Variants in RIPOR2 observed in about 807,000 individuals in gnomAD.
The protein encoded by RIPOR2 is RHO family interacting cell polarization regulator 2.
Under a neutral mutation model 114.5 loss-of-function variants are expected in RIPOR2, and 39 were observed. The ratio of observed to expected loss-of-function variants is 0.34; its 90% confidence interval spans 0.26 to 0.44. RIPOR2 has a LOEUF of 0.44. Ranked by LOEUF, RIPOR2 falls within the 20% of genes least tolerant of loss-of-function variation. The pLI, the probability that RIPOR2 is intolerant of heterozygous loss-of-function variation, is 1.00. For missense variants in RIPOR2, 1,007 were observed against 1,255.1 expected (o/e 0.80, Z 2.99); for synonymous variants, 445 against 484.4 (o/e 0.92, Z 1.07).
At chr6:24,847,823 T>A (rs978924092) in intron 12 of RIPOR2, 2 of 1,159,444 alleles carry the variant, frequency 1.7e-6, no homozygotes, top group East Asian at 5.2e-5. Context: ...AAAAGGCTGA[T>A]CTTAGAGAAT....
At chr6:25,034,021 CTTGT>C (rs1435984563) in intron 1 of RIPOR2, among the ~76,000 whole-genome samples, 2 of 151,524 alleles carry the variant, frequency 1.3e-5, no homozygotes, top group Non-Finnish European at 2.9e-5. Flanking sequence ...TTTTCTCATA[CTTGT>C]TTATTTAATT....
At chr6:24,909,380 A>G (rs1769322519) in intron 1 of RIPOR2, among the ~76,000 whole-genome samples, 1 of 152,044 alleles carries the variant, frequency 6.6e-6, no homozygotes. Context: ...CCTGCTTGTG[A>G]CAGCAGCTAA....
chr6:24,909,004 G>T (rs1397184474), intron 1 of RIPOR2, among the ~76,000 whole-genome samples: 1 of 152,206 alleles, frequency 6.6e-6, no homozygotes, highest in African/African-American at 2.4e-5. Context: ...AGAAGCAACA[G>T]CAATTGGGGG....
rs746137375 is a variant in RIPOR2, at chr6:24,849,776, G to A, written c.1034+26C>T. 2.5e-4 allele frequency: 398 copies of A among 1,597,404 alleles called. 1 individual carries two copies. The highest frequency in any genetic ancestry group is 3.3e-4 in the Non-Finnish European group (385 of 1,165,412). On this transcript the variant is annotated intron_variant, in intron 11 of 21. Transcript: ENST00000643898. Reference sequence around the variant, plus strand: ...TAGCCGGTATCAGATATTTCTATATGATGAAATAAAGGAAGAGGCACTTAC... The same window carrying A: ...TAGCCGGTATCAGATATTTCTATATAATGAAATAAAGGAAGAGGCACTTAC...
chr6:25,038,967 G>A (rs531382404), intron 1 of RIPOR2, among the ~76,000 whole-genome samples: 159 of 152,356 alleles, frequency 1.0e-3, no homozygotes, highest in African/African-American at 3.4e-3. Flanking sequence ...GATTACCAAT[G>A]TCTGCATGGG....
At chr6:24,971,040 G>A (rs1773768412) in intron 1 of RIPOR2, among the ~76,000 whole-genome samples, 1 of 152,162 alleles carries the variant, frequency 6.6e-6, no homozygotes, top group Non-Finnish European at 1.5e-5. Flanking sequence ...GTCAAGCCTA[G>A]TTATGACAGT....
rs112567535 is a variant in RIPOR2, at chr6:25,026,054, T to TG, written c.76+15796_76+15797insC. ...AGTTACAAAGATTGTTGTTTTTTTT[T>TG]TTTGTTTCTGAGTCACAAGCAAGTC... On this transcript the variant is annotated intron_variant, in intron 1 of 13. Coordinates refer to the RIPOR2 transcript ENST00000510784. Among the ~76,000 whole-genome samples, 819 of 152,182 alleles carry TG rather than the reference T, an allele frequency of 5.4e-3. 7 individuals carry two copies. The highest frequency in any genetic ancestry group is 7.7e-3 in the Non-Finnish European group (521 of 68,012).
rs1446693310 is a variant in RIPOR2, at chr6:24,865,469, G to C, written c.502-19C>G. On this transcript the variant is annotated intron_variant, in intron 6 of 21. Transcript: ENST00000643898. ...CATCTACCTGCCAGAATCAAAACAG[G>C]AAACAGAAATAAATGTCAGGCTTGA... The C allele has an allele frequency of 6.3e-7, 1 of 1,586,612 alleles. No individual in the cohort carries two copies. Among genetic ancestry groups the C allele is most frequent in the Admixed American group, 1.8e-5 (1 of 56,460 alleles).
At chr6:24,940,755 C>T (rs986293479), upstream of RIPOR2, among the ~76,000 whole-genome samples, 5 of 151,974 alleles carry the variant, frequency 3.3e-5, no homozygotes, top group Non-Finnish European at 7.4e-5. Context: ...AAGTGATTCT[C>T]CTGCCTCAGC....
chr6:24,988,475 T>C (rs1039994469), intron 1 of RIPOR2, among the ~76,000 whole-genome samples: 1 of 152,310 alleles, frequency 6.6e-6, no homozygotes, highest in Admixed American at 6.5e-5. Context: ...CGCCCAGCTA[T>C]TGTGAATAGC....
chr6:24,850,807 A>G (rs529059946), intron 9 of RIPOR2, 85 bp from the exon 10 acceptor site: 3 of 1,468,686 alleles, frequency 2.0e-6, no homozygotes, highest in Non-Finnish European at 2.8e-6. Flanking sequence ...AGAAAGACCT[A>G]AAGCCACTGC....
chr6:24,917,758 T>C (rs991133431), intron 1 of RIPOR2, among the ~76,000 whole-genome samples: 4 of 152,224 alleles, frequency 2.6e-5, no homozygotes, highest in African/African-American at 9.6e-5. Context: ...CTCGAACCCC[T>C]GACCTTGTGT....
At chr6:24,850,252 C>T (rs1383131268) in intron 10 of RIPOR2, among the ~76,000 whole-genome samples, 1 of 151,156 alleles carries the variant, frequency 6.6e-6, no homozygotes, top group African/African-American at 2.4e-5. Context: ...ACACGGACCA[C>T]GTCTGGCTAA....
At chr6:25,011,702 C>G (rs73384162) in intron 1 of RIPOR2, among the ~76,000 whole-genome samples, 1 of 152,182 alleles carries the variant, frequency 6.6e-6, no homozygotes, top group African/African-American at 2.4e-5. Flanking sequence ...ACTGCATGGC[C>G]CTGTCTCACA....
At position 24,890,785 on chromosome 6, in the gene RIPOR2, G is replaced by T. The variant is rs746817055; in HGVS notation, c.62-14968C>A. On this transcript the variant is annotated intron_variant, in intron 1 of 21. Transcript: ENST00000643898. ...TTCTCTCCCCTTAGCCTCCTGAGTA[G>T]CTAGGACTACAGGCACATGCCACCA... Among the ~76,000 whole-genome samples, 100 of 151,888 alleles carry T rather than the reference G, an allele frequency of 6.6e-4. 1 individual carries two copies. Among genetic ancestry groups the T allele is most frequent in the South Asian group, 1.7e-3 (8 of 4,798 alleles).
chr6:24,881,370 G>GT (rs1766338135), intron 1 of RIPOR2, among the ~76,000 whole-genome samples: 1 of 152,126 alleles, frequency 6.6e-6, no homozygotes, highest in African/African-American at 2.4e-5. Flanking sequence ...GGCTGCTATG[G>GT]TTTGCTCTTC....
intron 1 of RIPOR2, among the ~76,000 whole-genome samples, chr6:24,900,375 T>A (rs1257755179): frequency 6.6e-6 from 1 of 152,258 alleles, no homozygotes; most frequent in Non-Finnish European, 1.5e-5. Flanking sequence ...AATTAGTACA[T>A]GTGCCTGGCA....
intron 1 of RIPOR2, among the ~76,000 whole-genome samples, chr6:25,010,855 G>A (rs1775748299): frequency 6.6e-6 from 1 of 152,208 alleles, no homozygotes. Context: ...CCTTTGAGGA[G>A]CATATAGGTT....
At chr6:24,908,514 A>C (rs1175558760) in intron 1 of RIPOR2, among the ~76,000 whole-genome samples, 1 of 152,206 alleles carries the variant, frequency 6.6e-6, no homozygotes, top group Non-Finnish European at 1.5e-5. Context: ...AAAGTGTAAC[A>C]GAGAAGTGTC....
Sources: gnomAD v4.1 joint callset for allele counts (sites outside exome capture counted in the v4.1 genomes callset) on GRCh38, gnomAD v4.1.1 for gene constraint, MANE v1.5 for transcripts, NCBI Gene and HGNC (gene_info 2026-07-23, HGNC 2026-07-21) for gene names.